The following PPP2R2B variants were observed in gnomAD, a reference collection of about 807,000 sequenced individuals.
The protein encoded by PPP2R2B is protein phosphatase 2 regulatory subunit Bbeta, also known as serine/threonine-protein phosphatase 2A 55 kDa regulatory subunit B beta isoform.
A neutral mutation model predicts 46.0 loss-of-function variants in PPP2R2B; 5 were observed. The observed-to-expected ratio is 0.11, with a 90% CI of 0.06 to 0.23. The LOEUF (loss-of-function observed/expected upper bound fraction) is 0.23, where lower values mean the gene tolerates loss of function less well. Among genes scored for constraint, PPP2R2B ranks in the 10% least tolerant of loss-of-function variants. The pLI, the probability that PPP2R2B is intolerant of heterozygous loss-of-function variation, is 1.00. For synonymous variants in PPP2R2B, 215 were observed against 206.7 expected (o/e 1.04, Z -0.34); for missense variants, 367 against 575.0 (o/e 0.64, Z 3.70).
At chr5:147,036,310 C>T (rs1435775168) in intron 1 of PPP2R2B, among the ~76,000 whole-genome samples, 1 of 152,150 alleles carries the variant, frequency 6.6e-6, no homozygotes, top group Admixed American at 6.5e-5. Context: ...ATAATGGCCT[C>T]CAGCTCCATC....
chr5:146,886,459 G>A lies in PPP2R2B; in HGVS notation c.79+169206C>T, dbSNP rs566159080. 3.9e-5 allele frequency among the ~76,000 whole-genome samples: 6 copies of A among 152,182 alleles called. No homozygotes were observed. In the South Asian group the frequency reaches 1.2e-3, roughly 32 times the overall value. ...AACCACTGAATTGTATAGTTTAAAA[G>A]TTTGAATCTTATGGCATGTGAGTTA... On this transcript the variant is annotated intron_variant, in intron 1 of 8. Transcript: ENST00000336640.
intron 2 of PPP2R2B, among the ~76,000 whole-genome samples, chr5:146,793,965 G>T (rs1394508754): frequency 6.6e-6 from 1 of 152,166 alleles, no homozygotes; most frequent in Non-Finnish European, 1.5e-5. Context: ...CCTAGACATT[G>T]ATTCAGTAGA....
In PPP2R2B at chr5:146,691,160, G is replaced by T; in HGVS notation, c.415C>A (p.Leu139Ile). ...GYNLKDEEGR[L>I]RDPATITTLR... ...GTTGTGATGGTGGCAGGATCCCGGA[G>T]CCGGCCCTCCTCATCTTTCAGATTG... The change falls in exon 5 of 10, where the codon CTC (leucine) becomes ATC (isoleucine). Residue 139 changes from leucine to isoleucine, a missense_variant. Physicochemically the swap from Leu to Ile is conservative, Grantham distance 5 (BLOSUM62 2). Transcript: ENST00000394411. 6 of 1,614,182 alleles carry T rather than the reference G, an allele frequency of 3.7e-6. No homozygotes were observed. Among genetic ancestry groups the T allele is most frequent in the Non-Finnish European group, 5.1e-6 (6 of 1,180,036 alleles).
At chr5:146,688,506 G>A (rs569265672) in intron 5 of PPP2R2B, among the ~76,000 whole-genome samples, 1 of 151,836 alleles carries the variant, frequency 6.6e-6, no homozygotes, top group South Asian at 2.1e-4. Flanking sequence ...AACTAAGCTT[G>A]GAGGGAAGAA....
chr5:146,667,114 A>C (rs1022027367), intron 5 of PPP2R2B, among the ~76,000 whole-genome samples: 6 of 152,192 alleles, frequency 3.9e-5, no homozygotes, highest in African/African-American at 1.4e-4. Flanking sequence ...GAAGATGAAC[A>C]AATGAGTTAG....
chr5:146,597,325 C>T (rs1384626926), intron 8 of PPP2R2B, among the ~76,000 whole-genome samples: 1 of 150,074 alleles, frequency 6.7e-6, no homozygotes, highest in Admixed American at 6.6e-5. Flanking sequence ...CATTGCTATC[C>T]CTGTACCTGT....
chr5:147,011,270 C>A (rs1228689824), intron 1 of PPP2R2B, among the ~76,000 whole-genome samples: 1 of 151,892 alleles, frequency 6.6e-6, no homozygotes, highest in South Asian at 2.1e-4. Flanking sequence ...GTAGGACCTT[C>A]CCTTTCAGTC....
At chr5:146,957,213 G>A (rs1306430144) in intron 1 of PPP2R2B, among the ~76,000 whole-genome samples, 1 of 152,170 alleles carries the variant, frequency 6.6e-6, no homozygotes, top group Non-Finnish European at 1.5e-5. Context: ...CTACCCAGGT[G>A]AGTCTTATTT....
intron 1 of PPP2R2B, among the ~76,000 whole-genome samples, chr5:146,923,749 A>T (rs1051539704): frequency 6.6e-6 from 1 of 152,200 alleles, no homozygotes; most frequent in African/African-American, 2.4e-5. Context: ...ACATCATTCT[A>T]TCATAAAAGA....
At chr5:146,671,588 G>A (rs903528377) in intron 5 of PPP2R2B, among the ~76,000 whole-genome samples, 1 of 152,168 alleles carries the variant, frequency 6.6e-6, no homozygotes, top group African/African-American at 2.4e-5. Flanking sequence ...AACACATTGT[G>A]TAATTTATCC....
intron 2 of PPP2R2B, among the ~76,000 whole-genome samples, chr5:146,776,584 G>C (rs966643156): frequency 6.6e-6 from 1 of 152,066 alleles, no homozygotes; most frequent in Non-Finnish European, 1.5e-5. Flanking sequence ...TATTATGTCA[G>C]ACTTGGCAAT....
At chr5:146,761,594 G>A (rs776483670) in intron 2 of PPP2R2B, among the ~76,000 whole-genome samples, 1 of 151,390 alleles carries the variant, frequency 6.6e-6, no homozygotes, top group Non-Finnish European at 1.5e-5. Context: ...TTGTGCACAT[G>A]TACCCTAAAA....
At chr5:146,780,700 G>A (rs562804775) in intron 2 of PPP2R2B, among the ~76,000 whole-genome samples, 7 of 152,272 alleles carry the variant, frequency 4.6e-5, no homozygotes, top group African/African-American at 1.7e-4. Flanking sequence ...TCCCTGTGCT[G>A]TTTGCTGTTG....
chr5:146,593,165 C>T (rs1770827649), intron 8 of PPP2R2B, 103 bp from the exon 9 acceptor site: 1 of 1,018,830 alleles, frequency 9.8e-7, no homozygotes, highest in South Asian at 1.3e-5. Context: ...TTTCATTGTA[C>T]ATGCTCTTTG....
Position 146,810,727 on chromosome 5 carries a change from T to A in PPP2R2B, c.70+67275A>T, listed in dbSNP as rs1757483372. On this transcript the variant is annotated intron_variant, in intron 2 of 9. Coordinates refer to ENST00000394411, the MANE Select transcript of PPP2R2B (RefSeq NM_181675.4). ...TGTCTTTTTTTTTCTTTTTAATATA[T>A]ATATTTTTTATTATACTTTAAGTTC... is the stretch of plus-strand genomic sequence containing the variant. Among the ~76,000 whole-genome samples the A allele has an allele frequency of 2.0e-5, 3 of 151,936 alleles. No individual in the cohort carries two copies. In the South Asian group the frequency reaches 6.2e-4, roughly 32 times the overall value.
chr5:146,947,400 C>A (rs759740654), intron 1 of PPP2R2B, among the ~76,000 whole-genome samples: 2 of 152,068 alleles, frequency 1.3e-5, no homozygotes, highest in African/African-American at 4.8e-5. Context: ...GGGACCAGCA[C>A]GTGACTGAAA....
intron 1 of PPP2R2B, among the ~76,000 whole-genome samples, chr5:146,999,089 A>G (rs1037567599): frequency 2.1e-4 from 31 of 151,184 alleles, no homozygotes; most frequent in African/African-American, 6.8e-4. Context: ...TCAGGCCTAT[A>G]TAATTGTTTA....
At chr5:146,998,539 C>T (rs1341726417) in intron 1 of PPP2R2B, among the ~76,000 whole-genome samples, 1 of 152,138 alleles carries the variant, frequency 6.6e-6, no homozygotes, top group Non-Finnish European at 1.5e-5. Context: ...TTTGCATGCA[C>T]ATTTGCAGCC....
chr5:146,677,277 C>T (rs1470066876), intron 5 of PPP2R2B, among the ~76,000 whole-genome samples: 2 of 152,096 alleles, frequency 1.3e-5, no homozygotes, highest in African/African-American at 4.8e-5. Flanking sequence ...TTGAATGTTG[C>T]AGAACTCTCA....
Sources: gnomAD v4.1 joint callset for allele counts (sites outside exome capture counted in the v4.1 genomes callset) on GRCh38, gnomAD v4.1.1 for gene constraint, MANE v1.5 for transcripts, NCBI Gene and HGNC (gene_info 2026-07-23, HGNC 2026-07-21) for gene names.